The following PPARGC1A variants were observed in gnomAD, a reference collection of about 807,000 sequenced individuals.
PPARGC1A encodes the protein PPARG coactivator 1 alpha, also known as peroxisome proliferator-activated receptor gamma coactivator 1-alpha.
In PPARGC1A, 25 loss-of-function variants were observed where a neutral mutation model predicts 88.7. That is an observed-to-expected ratio of 0.28 (90% CI 0.21 to 0.39). The LOEUF is 0.39. Ranked by LOEUF, PPARGC1A falls within the 10% of genes least tolerant of loss-of-function variation. PPARGC1A has a pLI of 1.00. For missense variants in PPARGC1A, 880 were observed against 968.7 expected (o/e 0.91, Z 1.22); for synonymous variants, 363 against 355.6 (o/e 1.02, Z -0.24).
chr4:24,349,192 G>A, the PPARGC1A span, among the ~76,000 whole-genome samples: 15 of 152,162 alleles, frequency 9.9e-5, no homozygotes, highest in African/African-American at 3.6e-4. Context: ...TGCCTGTTCT[G>A]GTGGAGGTAG....
chr4:23,968,081 A>C, the PPARGC1A span, among the ~76,000 whole-genome samples: 6 of 152,182 alleles, frequency 3.9e-5, no homozygotes, highest in Admixed American at 6.5e-5. Flanking sequence ...ACCTTTGCTC[A>C]TGGAAAGGCT....
the PPARGC1A span, among the ~76,000 whole-genome samples, chr4:24,124,279 T>C: frequency 6.6e-6 from 1 of 152,156 alleles, no homozygotes; most frequent in Non-Finnish European, 1.5e-5. Flanking sequence ...AGAAGTAAAG[T>C]AAATTAATAG....
the PPARGC1A span, among the ~76,000 whole-genome samples, chr4:24,065,179 C>A: frequency 1.3e-5 from 2 of 152,088 alleles, no homozygotes; most frequent in African/African-American, 2.4e-5. Context: ...GAGACCCAAT[C>A]GCGTAGATCA....
At chr4:24,030,930 G>A in the PPARGC1A span, among the ~76,000 whole-genome samples, 1 of 152,162 alleles carries the variant, frequency 6.6e-6, no homozygotes, top group Non-Finnish European at 1.5e-5. Context: ...TCAGGATGCA[G>A]GAAGCAATTA....
intron 2 of PPARGC1A, among the ~76,000 whole-genome samples, chr4:23,881,623 C>T (rs559163310): frequency 2.0e-5 from 3 of 152,308 alleles, no homozygotes; most frequent in Non-Finnish European, 4.4e-5. Flanking sequence ...AGAATTCAGT[C>T]GATGGCCAGT....
the PPARGC1A span, among the ~76,000 whole-genome samples, chr4:23,937,498 T>G: frequency 6.6e-6 from 1 of 150,764 alleles, no homozygotes; most frequent in Non-Finnish European, 1.5e-5. Context: ...CACTAGAAAA[T>G]AAAATAAAAT....
the PPARGC1A span, among the ~76,000 whole-genome samples, chr4:23,974,111 C>T: frequency 1.2e-4 from 18 of 151,934 alleles, no homozygotes; most frequent in African/African-American, 2.2e-4. Context: ...ATTAGTAGAT[C>T]GAGAGCTAAG....
intron 8 of PPARGC1A, 29 bp downstream of exon 8, chr4:23,813,661 T>C: frequency 6.8e-7 from 1 of 1,471,790 alleles, no homozygotes; most frequent in East Asian, 2.3e-5. Flanking sequence ...GAACACCTTT[T>C]GTGTTATTAG....
chr4:24,033,641 T>C, the PPARGC1A span, among the ~76,000 whole-genome samples: 1 of 151,124 alleles, frequency 6.6e-6, no homozygotes, highest in East Asian at 2.0e-4. Context: ...TTGAATTCAA[T>C]TTAGCTTTAT....
At chr4:24,057,149 C>T in the PPARGC1A span, among the ~76,000 whole-genome samples, 1 of 152,148 alleles carries the variant, frequency 6.6e-6, no homozygotes, top group African/African-American at 2.4e-5. Context: ...ACACGTACTA[C>T]AGCTTGGATG....
the PPARGC1A span, among the ~76,000 whole-genome samples, chr4:24,074,387 G>A: frequency 6.6e-6 from 1 of 152,142 alleles, no homozygotes; most frequent in South Asian, 2.1e-4. Context: ...CCACACACAC[G>A]TCAGCATTTC....
chr4:24,017,615 A>G, the PPARGC1A span, among the ~76,000 whole-genome samples: 1 of 152,146 alleles, frequency 6.6e-6, no homozygotes, highest in African/African-American at 2.4e-5. Context: ...AAGTAAATAT[A>G]CTTCTTCTAA....
chr4:24,162,748 T>C, the PPARGC1A span, among the ~76,000 whole-genome samples: 3 of 151,902 alleles, frequency 2.0e-5, no homozygotes, highest in Admixed American at 2.0e-4. Flanking sequence ...CCCACAACCA[T>C]GCCCATCTAA....
At chr4:24,233,753 T>TA in the PPARGC1A span, among the ~76,000 whole-genome samples, 1,359 of 148,184 alleles carry the variant, frequency 9.2e-3, 29 homozygotes, top group East Asian at 0.089. Flanking sequence ...TCACACAGGT[T>TA]AAAAAAAAAA....
the PPARGC1A span, among the ~76,000 whole-genome samples, chr4:24,414,484 GCTC>G: frequency 1.3e-5 from 2 of 152,106 alleles, no homozygotes; most frequent in African/African-American, 4.8e-5. Context: ...CCTGGTTTAT[GCTC>G]CTTTCACTCT....
the PPARGC1A span, among the ~76,000 whole-genome samples, chr4:24,043,620 C>T: frequency 6.6e-6 from 1 of 152,128 alleles, no homozygotes; most frequent in Non-Finnish European, 1.5e-5. Context: ...CTATACCTTT[C>T]TACCCACTGC....
At chr4:23,947,593 T>C in the PPARGC1A span, among the ~76,000 whole-genome samples, 19 of 151,906 alleles carry the variant, frequency 1.3e-4, no homozygotes, top group Admixed American at 2.0e-4. Context: ...CTGAAGCTTG[T>C]TGACAACGCT....
At chr4:24,433,359 G>T in the PPARGC1A span, among the ~76,000 whole-genome samples, 1 of 151,854 alleles carries the variant, frequency 6.6e-6, no homozygotes, top group East Asian at 1.9e-4. Context: ...ACTTCGCTCT[G>T]GGGGGGACAG....
the PPARGC1A span, among the ~76,000 whole-genome samples, chr4:24,421,177 G>A: frequency 6.6e-6 from 1 of 152,086 alleles, no homozygotes; most frequent in Non-Finnish European, 1.5e-5. Context: ...ATCAAGATGA[G>A]ACATCCAGTT....
Sources: gnomAD v4.1 joint callset for allele counts (sites outside exome capture counted in the v4.1 genomes callset) on GRCh38, gnomAD v4.1.1 for gene constraint, MANE v1.5 for transcripts, NCBI Gene and HGNC (gene_info 2026-07-23, HGNC 2026-07-21) for gene names.